ZNF236: variants seen among roughly 807,000 people sequenced by gnomAD.
ZNF236 encodes zinc finger protein 236, also known as regulated by glucose.
In ZNF236, 50 loss-of-function variants were observed where a neutral mutation model predicts 191.2. The ratio of observed to expected loss-of-function variants is 0.26; its 90% CI spans 0.21 to 0.33. ZNF236 has a LOEUF of 0.33. Ranked by LOEUF, ZNF236 falls within the 10% of genes least tolerant of loss-of-function variation. The pLI is 1.00. For synonymous variants in ZNF236, 907 were observed against 928.8 expected, an observed-to-expected ratio of 0.98 and a Z score of 0.43; for missense variants, 1,754 against 2,374.5, an observed-to-expected ratio of 0.74 and a Z score of 5.43.
intron 3 of ZNF236, among the ~76,000 whole-genome samples, chr18:76,853,998 A>C (rs1229285845): frequency 6.6e-6 from 1 of 151,688 alleles, no homozygotes; most frequent in Non-Finnish European, 1.5e-5. Flanking sequence ...CAACAGAGCA[A>C]GACTCTGTCT....
At chr18:76,830,044 G>T (rs528221662) in intron 1 of ZNF236, among the ~76,000 whole-genome samples, 11 of 152,002 alleles carry the variant, frequency 7.2e-5, no homozygotes, top group Non-Finnish European at 1.3e-4. Context: ...CTAATTTTTT[G>T]TGTGTTAGTA....
At chr18:76,952,270 TAGTA>T (rs1298393494) in intron 27 of ZNF236, among the ~76,000 whole-genome samples, 1 of 152,212 alleles carries the variant, frequency 6.6e-6, no homozygotes, top group Non-Finnish European at 1.5e-5. Flanking sequence ...TGCCTATAAT[TAGTA>T]AGAGAAATTC....
chr18:76,946,203 G>T (rs1322649194), intron 26 of ZNF236, among the ~76,000 whole-genome samples: 1 of 152,172 alleles, frequency 6.6e-6, no homozygotes, highest in African/African-American at 2.4e-5. Flanking sequence ...TCATGATAGT[G>T]AATAAGTCTC....
intron 1 of ZNF236, among the ~76,000 whole-genome samples, chr18:76,825,765 G>A (rs1974997186): frequency 6.7e-6 from 1 of 148,288 alleles, no homozygotes; most frequent in African/African-American, 2.4e-5. Context: ...AGGCTTCTAG[G>A]GCCTCTTTTT....
At chr18:76,884,559 A>C (rs1213605605) in intron 9 of ZNF236, among the ~76,000 whole-genome samples, 1 of 152,192 alleles carries the variant, frequency 6.6e-6, no homozygotes, top group Non-Finnish European at 1.5e-5. Flanking sequence ...AAGTCCTTGC[A>C]TACTTTACCT....
intron 21 of ZNF236, among the ~76,000 whole-genome samples, chr18:76,923,577 C>A (rs1967597570): frequency 6.6e-6 from 1 of 152,172 alleles, no homozygotes; most frequent in Non-Finnish European, 1.5e-5. Context: ...GAAACTCTTG[C>A]AAAGGCAGAA....
At chr18:76,877,827 G>GT (rs1976757521) in intron 6 of ZNF236, among the ~76,000 whole-genome samples, 182 bp from the exon 7 acceptor site, 1 of 152,094 alleles carries the variant, frequency 6.6e-6, no homozygotes, top group East Asian at 1.9e-4. Context: ...CGGCAATATT[G>GT]TTTAAAGAGT....
chr18:76,868,993 G>GTT (rs1976507498), intron 4 of ZNF236, 130 bp downstream of exon 4: 1 of 827,312 alleles, frequency 1.2e-6, no homozygotes, highest in Admixed American at 3.1e-5. Context: ...ATAATTTGGT[G>GTT]TCAGAACGTC....
intron 20 of ZNF236, among the ~76,000 whole-genome samples, chr18:76,922,500 C>A (rs1476321554): frequency 1.3e-5 from 2 of 151,502 alleles, no homozygotes; most frequent in African/African-American, 4.8e-5. Context: ...ACTCTGATAT[C>A]GTTTGGGTTT....
At chr18:76,949,754 G>C (rs1299383285) in intron 27 of ZNF236, among the ~76,000 whole-genome samples, 1 of 151,702 alleles carries the variant, frequency 6.6e-6, no homozygotes, top group Non-Finnish European at 1.5e-5. Context: ...CGCCTCCTGG[G>C]TTCAAGTGAT....
chr18:76,848,045 C>T (rs909485639), intron 1 of ZNF236, among the ~76,000 whole-genome samples: 2 of 152,202 alleles, frequency 1.3e-5, no homozygotes, highest in African/African-American at 2.4e-5. Context: ...ACTTCCTCCA[C>T]CCTGTCTCTG....
At position 76,959,716 on chromosome 18, in the gene ZNF236, C is replaced by T; in HGVS notation, c.5142C>T (p.Pro1714=). ...ACATGCAGACACACCAGGCCGGCCC[C>T]TCTTTGAGCTCCCAGAAGCCAAGAG... ...KEHMQTHQAG[P]SLSSQKPRVF... The change falls in exon 29 of 31, where the codon CCC becomes CCT. Residue 1714 remains proline, a synonymous_variant. Coordinates refer to ENST00000320610, the MANE Select transcript of ZNF236 (RefSeq NM_001306089.2). 6.2e-7 allele frequency: 1 copy of T among 1,613,792 alleles called. No individual in the cohort carries two copies. Among genetic ancestry groups the T allele is most frequent in the Non-Finnish European group, 8.5e-7 (1 of 1,179,846 alleles).
intron 1 of ZNF236, among the ~76,000 whole-genome samples, chr18:76,833,539 A>G (rs983409089): frequency 1.1e-4 from 17 of 152,214 alleles, no homozygotes; most frequent in African/African-American, 4.1e-4. Flanking sequence ...TCCCTGGGAT[A>G]CAGGCAAACT....
intron 1 of ZNF236, among the ~76,000 whole-genome samples, chr18:76,827,902 C>T (rs996321200): frequency 1.3e-5 from 2 of 152,116 alleles, no homozygotes; most frequent in African/African-American, 4.8e-5. Flanking sequence ...TGATTTCCAT[C>T]TGTTTTCTCC....
At chr18:76,906,718 T>C (rs995387962) in intron 13 of ZNF236, among the ~76,000 whole-genome samples, 1 of 152,170 alleles carries the variant, frequency 6.6e-6, no homozygotes, top group Non-Finnish European at 1.5e-5. Flanking sequence ...GACCATTGTT[T>C]GTCATCAGTT....
Position 76,915,862 on chromosome 18 carries a change from A to AT in ZNF236, c.3274+7dup, listed in dbSNP as rs779566647. The AT allele has an allele frequency of 6.2e-7, 1 of 1,610,970 alleles. No individual in the cohort carries two copies. The highest frequency in any genetic ancestry group is 1.7e-5 in the Admixed American group (1 of 59,968). On this transcript the variant is annotated splice_donor_region_variant and intron_variant, in intron 19 of 30. Transcript: ENST00000320610. ...CACTGGAGAGACAGAAGGAGGAGGT[A>AT]TTTTCCATTTGTTGATTCAAGGTGT...
intron 3 of ZNF236, among the ~76,000 whole-genome samples, chr18:76,855,098 AT>A (rs1441916980): frequency 6.6e-6 from 1 of 151,900 alleles, no homozygotes; most frequent in African/African-American, 2.4e-5. Flanking sequence ...TAATTTTTAT[AT>A]TTTTAGTAGA....
chr18:76,909,504 C>T (rs1188559871), intron 14 of ZNF236, among the ~76,000 whole-genome samples: 2 of 152,046 alleles, frequency 1.3e-5, no homozygotes, highest in Non-Finnish European at 2.9e-5. Flanking sequence ...GGTGACTGGT[C>T]TGCGGTGAGA....
chr18:76,939,758 G>A (rs1362624312), intron 26 of ZNF236, among the ~76,000 whole-genome samples: 1 of 152,100 alleles, frequency 6.6e-6, no homozygotes, highest in Non-Finnish European at 1.5e-5. Context: ...GGAACTCGGT[G>A]GGCGACCCTA....
Sources: gnomAD v4.1 joint callset for allele counts (sites outside exome capture counted in the v4.1 genomes callset) on GRCh38, gnomAD v4.1.1 for gene constraint, MANE v1.5 for transcripts, NCBI Gene and HGNC (gene_info 2026-07-23, HGNC 2026-07-21) for gene names.